CRHR2: variants seen among roughly 807,000 people sequenced by gnomAD.
The protein encoded by CRHR2 is corticotropin-releasing hormone receptor 2.
In CRHR2, 53 loss-of-function variants were observed where a neutral mutation model predicts 57.9. The observed-to-expected ratio is 0.92, with a 90% CI of 0.73 to 1.15. The LOEUF is 1.15. CRHR2 is among the 50% of genes most tolerant of loss of function. The pLI is 0.00. For missense variants in CRHR2, 532 were observed against 542.6 expected, an observed-to-expected ratio of 0.98 and a Z score of 0.19; for synonymous variants, 213 against 220.9, an observed-to-expected ratio of 0.96 and a Z score of 0.32.
chr7:30,655,679 G>A lies in CRHR2; in HGVS notation c.954C>T (p.Leu318=). The A allele has an allele frequency of 6.2e-7, 1 of 1,614,144 alleles. No homozygotes were observed. Residue 318 remains leucine (L), a synonymous_variant, in exon 10 of 12, where the codon CTC becomes CTT. Transcript: ENST00000471646. ...AGAAGAGCATGTAGGTGATGCCCAG[G>A]AGGGGCAGGAGCACCAGGGTGGCCT... ...AVKATLVLLP[L]LGITYMLFFV... is the part of the protein sequence containing the mutation.
rs1199717942 is a variant in CRHR2, at chr7:30,665,231, A to G, written c.426-44T>C. 1 of 1,530,350 alleles carries G rather than the reference A, an allele frequency of 6.5e-7. No individual in the cohort carries two copies. The highest frequency in any genetic ancestry group is 1.7e-5 in the Admixed American group (1 of 59,810). The allele number at this position is 1,530,350 out of a possible 1,614,324, so 94.8% of individuals were successfully genotyped here. On this transcript the variant is annotated intron_variant, in intron 4 of 11. Transcript: ENST00000471646. The surrounding 1 kb of genome is among the most constrained non-coding windows in gnomAD (Gnocchi z 4.5). ...AGGGGTCAGCCAGGTTCAGGGGTCAACTGGGACTGGGTTCCCCCTGAGGCC... is the reference window on the plus strand; with the variant it reads ...AGGGGTCAGCCAGGTTCAGGGGTCAGCTGGGACTGGGTTCCCCCTGAGGCC...
intron 2 of CRHR2, among the ~76,000 whole-genome samples, chr7:30,680,609 T>C (rs906869993): frequency 6.6e-6 from 1 of 152,076 alleles, no homozygotes; most frequent in African/African-American, 2.4e-5. Context: ...AATCATTCCT[T>C]CTGCTTGCAC....
At chr7:30,676,976 A>G (rs921831271) in intron 2 of CRHR2, among the ~76,000 whole-genome samples, 1 of 152,242 alleles carries the variant, frequency 6.6e-6, no homozygotes, top group Non-Finnish European at 1.5e-5. Context: ...CTTGAGGTCA[A>G]GGAGGCTGAG....
At chr7:30,686,527 G>A, upstream of CRHR2, 1 of 1,508,026 alleles carries the variant, frequency 6.6e-7, no homozygotes, top group Non-Finnish European at 8.8e-7. Flanking sequence ...TCGGATTCTT[G>A]GCCAGGTGCA....
chr7:30,670,350 C>T (rs555536941), intron 2 of CRHR2, among the ~76,000 whole-genome samples: 1 of 152,336 alleles, frequency 6.6e-6, no homozygotes, highest in Non-Finnish European at 1.5e-5. Context: ...TCCTTCTTTT[C>T]TTTGCTACTG....
At chr7:30,674,406 C>T (rs954516359) in intron 2 of CRHR2, among the ~76,000 whole-genome samples, 1 of 152,206 alleles carries the variant, frequency 6.6e-6, no homozygotes, top group Non-Finnish European at 1.5e-5. Flanking sequence ...GGGAGGGGAC[C>T]AACACAGGAC....
chr7:30,660,906 G>A (rs866722020), intron 7 of CRHR2, among the ~76,000 whole-genome samples: 28 of 152,220 alleles, frequency 1.8e-4, no homozygotes, highest in African/African-American at 6.5e-4. Context: ...TCTTTTACCT[G>A]CCCCATTGCA....
chr7:30,674,574 T>G (rs1185278272), intron 2 of CRHR2, among the ~76,000 whole-genome samples: 1 of 152,216 alleles, frequency 6.6e-6, no homozygotes, highest in African/African-American at 2.4e-5. Flanking sequence ...GATCTGGCTC[T>G]CAGTTCCTAG....
chr7:30,661,580 G>A (rs1383705098), intron 7 of CRHR2, among the ~76,000 whole-genome samples: 2 of 152,172 alleles, frequency 1.3e-5, no homozygotes, highest in Admixed American at 6.5e-5. Flanking sequence ...ACAGGCTAAT[G>A]TTCCCTGGTC....
upstream of CRHR2, among the ~76,000 whole-genome samples, chr7:30,686,960 A>G (rs1562809683): frequency 1.3e-5 from 2 of 152,194 alleles, no homozygotes; most frequent in Admixed American, 6.5e-5. Context: ...TAGACAATAT[A>G]ATAAGCCTAC....
At position 30,660,549 on chromosome 7, in the gene CRHR2, T is replaced by A. The variant is rs745529361; in HGVS notation, c.831+24A>T. On this transcript the variant is annotated intron_variant, in intron 8 of 11. Transcript: ENST00000471646. ...TCTGTCCTCTTGGCACCCAGCCCCA[T>A]CCCAGCCACCGCTGAGGGCTTACCA... 1.5e-5 allele frequency: 23 copies of A among 1,553,476 alleles called. No homozygotes were observed. The Admixed American group carries it at 2.7e-4, about 18-fold the overall frequency.
At chr7:30,697,320 A>G (rs1785077389) in intron 1 of CRHR2, among the ~76,000 whole-genome samples, 1 of 152,212 alleles carries the variant, frequency 6.6e-6, no homozygotes, top group Non-Finnish European at 1.5e-5. Context: ...CCAAAGCTCC[A>G]AGGAGCTGGA....
In CRHR2 at chr7:30,656,866, G is replaced by A. The variant is rs551762941; in HGVS notation, c.832-854C>T. On this transcript the variant is annotated intron_variant, in intron 8 of 11. Transcript: ENST00000471646. The surrounding 1 kb of genome is among the most constrained non-coding windows in gnomAD (Gnocchi z 4.4). ...ATCCTTTAAGCACTTGTGCAAGTGTGTTTGCCTCACAGAGCGTGTGCATGT... is the reference window on the plus strand; with the variant it reads ...ATCCTTTAAGCACTTGTGCAAGTGTATTTGCCTCACAGAGCGTGTGCATGT... Among the ~76,000 whole-genome samples, 1 of 152,174 alleles carries A rather than the reference G, an allele frequency of 6.6e-6. No individual in the cohort carries two copies. The highest frequency in any genetic ancestry group is 2.4e-5 in the African/African-American group (1 of 41,422).
At chr7:30,688,109 T>C (rs964753478) in intron 2 of CRHR2, among the ~76,000 whole-genome samples, 1 of 152,158 alleles carries the variant, frequency 6.6e-6, no homozygotes, top group African/African-American at 2.4e-5. Flanking sequence ...TAAAGTAAAG[T>C]AAGGTAAGCG....
intron 2 of CRHR2, among the ~76,000 whole-genome samples, chr7:30,670,739 CT>C (rs1784331024): frequency 1.3e-5 from 2 of 152,228 alleles, no homozygotes; most frequent in Non-Finnish European, 2.9e-5. Context: ...GGCACACACT[CT>C]GAGGGCTGAT....
intron 2 of CRHR2, among the ~76,000 whole-genome samples, chr7:30,669,180 T>C (rs1784281355): frequency 6.6e-6 from 1 of 152,176 alleles, no homozygotes; most frequent in Admixed American, 6.5e-5. Flanking sequence ...ATTTATCTTC[T>C]ATATGTTCAT....
In CRHR2 at chr7:30,682,104, C is replaced by G. The variant is rs1341589799; in HGVS notation, c.104-64G>C. The G allele has an allele frequency of 1.9e-6, 3 of 1,539,536 alleles. No homozygotes were observed. In the African/African-American group the frequency reaches 4.2e-5, roughly 22 times the overall value. On this transcript the variant is annotated intron_variant, in intron 1 of 11. Coordinates refer to ENST00000471646, the MANE Select transcript of CRHR2 (RefSeq NM_001883.5). Reference sequence around the variant, plus strand: ...CCGCAGGGACGCGGGGCTCTCGGAGCGCGGGGTCAGGGGCGCACCCAGCGC... The same window carrying G: ...CCGCAGGGACGCGGGGCTCTCGGAGGGCGGGGTCAGGGGCGCACCCAGCGC...
intron 2 of CRHR2, among the ~76,000 whole-genome samples, chr7:30,676,675 G>A (rs1784526969): frequency 6.6e-6 from 1 of 152,194 alleles, no homozygotes; most frequent in Admixed American, 6.5e-5. Context: ...GCTTCCTGAG[G>A]GCAGGTCTCA....
In CRHR2 at chr7:30,681,994, G is replaced by A. The variant is rs776407304; in HGVS notation, c.150C>T (p.Cys50=). The A allele has an allele frequency of 6.2e-7, 1 of 1,607,286 alleles. No individual in the cohort carries two copies. The highest frequency in any genetic ancestry group is 8.5e-7 in the Non-Finnish European group (1 of 1,177,408). The part of the protein sequence containing the change: ...CNTTLDQIGT[C]WPRSAAGALV... ...GGGCTCCGGCAGCGCTGCGGGGCCA[G>A]CACGTTCCGATCTGGTCCAAGGTCG... The change falls in exon 2 of 12, where the codon TGC becomes TGT. Residue 50 remains cysteine, a synonymous_variant. Transcript: ENST00000471646.
Sources: gnomAD v4.1 joint callset for allele counts (sites outside exome capture counted in the v4.1 genomes callset) on GRCh38, gnomAD v4.1.1 for gene constraint, Gnocchi (gnomAD v3.1) non-coding constraint, MANE v1.5 for transcripts, NCBI Gene and HGNC (gene_info 2026-07-23, HGNC 2026-07-21) for gene names.